Variants in B4GALT5 observed in about 807,000 individuals in gnomAD.
B4GALT5 encodes the protein beta-1,4-galactosyltransferase 5.
Under a neutral mutation model 45.0 loss-of-function variants are expected in B4GALT5, and 11 were observed. The observed-to-expected ratio is 0.24, with a 90% CI of 0.15 to 0.40. The LOEUF is 0.40. B4GALT5 is among the 10% of genes least tolerant of loss of function. The pLI is 1.00. For missense variants in B4GALT5, 337 were observed against 500.2 expected (o/e 0.67, Z 3.11); for synonymous variants, 185 against 182.9 (o/e 1.01, Z -0.09).
chr20:49,679,688 A>C (rs977912112), intron 1 of B4GALT5, among the ~76,000 whole-genome samples: 1 of 152,040 alleles, frequency 6.6e-6, no homozygotes, highest in African/African-American at 2.4e-5. Context: ...AAAAAAACAA[A>C]AACAAAAAAC....
Position 49,695,066 on chromosome 20 carries a change from A to G in B4GALT5, c.115+18510T>C, listed in dbSNP as rs569144127. On this transcript the variant is annotated intron_variant, in intron 1 of 8. Transcript: ENST00000371711. ...TTACAGTATTCCTTAACTGCTTAAC[A>G]TGTGAACACCTGCACTGTTTTCATT... is the stretch of plus-strand genomic sequence containing the variant. Among the ~76,000 whole-genome samples, 10 of 151,256 alleles carry G rather than the reference A, an allele frequency of 6.6e-5. No individual in the cohort carries two copies. The East Asian group carries it at 1.9e-3, about 29-fold the overall frequency.
At chr20:49,673,707 T>C (rs1268396858) in intron 1 of B4GALT5, among the ~76,000 whole-genome samples, 1 of 152,152 alleles carries the variant, frequency 6.6e-6, no homozygotes, top group Non-Finnish European at 1.5e-5. Flanking sequence ...TTAGATGCAA[T>C]AATAGTACTT....
At chr20:49,644,698 C>A (rs1161722237) in intron 3 of B4GALT5, among the ~76,000 whole-genome samples, 1 of 152,126 alleles carries the variant, frequency 6.6e-6, no homozygotes, top group Non-Finnish European at 1.5e-5. Flanking sequence ...CAGACAAATG[C>A]AGGTTTTAAA....
At position 49,677,086 on chromosome 20, in the gene B4GALT5, C is replaced by G. The variant is rs139704254; in HGVS notation, c.116-20384G>C. 4.6e-5 allele frequency among the ~76,000 whole-genome samples: 7 copies of G among 152,132 alleles called. No individual in the cohort carries two copies. In the East Asian group the frequency reaches 1.2e-3, roughly 25 times the overall value. On this transcript the variant is annotated intron_variant, in intron 1 of 8. Coordinates refer to ENST00000371711, the MANE Select transcript of B4GALT5 (RefSeq NM_004776.4). ...TTTGTTCTAGGGGGTATTTCTGCAG[C>G]CTTCTCAGAAAAACCTCAGGGTATT...
At chr20:49,692,621 G>C (rs761798123) in intron 1 of B4GALT5, among the ~76,000 whole-genome samples, 1 of 152,218 alleles carries the variant, frequency 6.6e-6, no homozygotes. Context: ...CATTGCCTAG[G>C]AGGCTGAGTA....
chr20:49,701,327 TTCA>T (rs1317891211), intron 1 of B4GALT5, among the ~76,000 whole-genome samples: 2 of 152,186 alleles, frequency 1.3e-5, no homozygotes, highest in African/African-American at 4.8e-5. Context: ...ACATTTGCAG[TTCA>T]GCTGATATCA....
In B4GALT5 at chr20:49,693,229, C is replaced by T. The variant is rs566037440; in HGVS notation, c.115+20347G>A. On this transcript the variant is annotated intron_variant, in intron 1 of 8. Transcript: ENST00000371711. ...TGTTTGTGAATTCATCCTGAAAACA[C>T]ATCTGAGATTATAATCTCCCAATAG... Among the ~76,000 whole-genome samples, 4 of 152,318 alleles carry T rather than the reference C, an allele frequency of 2.6e-5. No homozygotes were observed. In the South Asian group the frequency reaches 8.3e-4, roughly 32 times the overall value.
chr20:49,637,937 AAG>A (rs2085560922), intron 7 of B4GALT5, among the ~76,000 whole-genome samples: 1 of 152,182 alleles, frequency 6.6e-6, no homozygotes, highest in Non-Finnish European at 1.5e-5. Flanking sequence ...CAAAAAAGAA[AAG>A]AAAAGTACGG....
intron 1 of B4GALT5, among the ~76,000 whole-genome samples, chr20:49,688,937 C>CA (rs780888236): frequency 0.064 from 4,729 of 73,920 alleles, 274 homozygotes; most frequent in African/African-American, 0.18. Flanking sequence ...AACTCCATCT[C>CA]AAAAAAAAAA....
At chr20:49,686,010 A>C (rs555550782) in intron 1 of B4GALT5, among the ~76,000 whole-genome samples, 25 of 152,272 alleles carry the variant, frequency 1.6e-4, no homozygotes, top group Non-Finnish European at 3.4e-4. Context: ...CCTCTGACTC[A>C]GCACCTAAGA....
At chr20:49,690,185 T>C (rs147153280) in intron 1 of B4GALT5, among the ~76,000 whole-genome samples, 2 of 152,214 alleles carry the variant, frequency 1.3e-5, no homozygotes, top group South Asian at 2.1e-4. Flanking sequence ...TTTGTATTTT[T>C]AGTAGAGACA....
intron 1 of B4GALT5, among the ~76,000 whole-genome samples, chr20:49,667,863 A>C (rs2085698591): frequency 6.6e-6 from 1 of 152,174 alleles, no homozygotes; most frequent in Admixed American, 6.5e-5. Context: ...TTCCATTTTA[A>C]ATCTGCTTAA....
intron 1 of B4GALT5, among the ~76,000 whole-genome samples, chr20:49,697,101 T>C (rs1169041348): frequency 6.6e-6 from 1 of 152,268 alleles, no homozygotes; most frequent in Non-Finnish European, 1.5e-5. Context: ...AAAGGGATAT[T>C]GTTGCCTCCT....
chr20:49,713,468 C>A, intron 1 of B4GALT5, 108 bp downstream of exon 1: 5 of 1,143,890 alleles, frequency 4.4e-6, no homozygotes, highest in African/African-American at 1.6e-5. Context: ...TTCGGAGGAC[C>A]AGGCTCAGGG....
At chr20:49,671,200 G>A (rs1022674721) in intron 1 of B4GALT5, among the ~76,000 whole-genome samples, 1 of 152,072 alleles carries the variant, frequency 6.6e-6, no homozygotes, top group Admixed American at 6.5e-5. Flanking sequence ...TCAACATGGC[G>A]AAACCCCATC....
chr20:49,687,289 T>A (rs2085790222), intron 1 of B4GALT5, among the ~76,000 whole-genome samples: 1 of 152,202 alleles, frequency 6.6e-6, no homozygotes, highest in Non-Finnish European at 1.5e-5. Context: ...CCACTGACAC[T>A]GTTAGAAAGT....
intron 6 of B4GALT5, 60 bp downstream of exon 6, chr20:49,640,418 T>C (rs1423616825): frequency 6.9e-7 from 1 of 1,442,452 alleles, no homozygotes; most frequent in Non-Finnish European, 9.2e-7. Context: ...GATTTCCTTT[T>C]CACATCGCTC....
chr20:49,655,745 A>T (rs2085639945), intron 2 of B4GALT5, among the ~76,000 whole-genome samples: 1 of 151,824 alleles, frequency 6.6e-6, no homozygotes, highest in Non-Finnish European at 1.5e-5. Flanking sequence ...CATGGCCAAC[A>T]TGGTGAAACC....
intron 6 of B4GALT5, 29 bp from the exon 7 acceptor site, chr20:49,639,829 C>CTG (rs779071674): frequency 6.2e-7 from 1 of 1,609,734 alleles, no homozygotes; most frequent in Middle Eastern, 1.7e-4. Flanking sequence ...CATCAATCAT[C>CTG]TGTGTGTTAC....
Sources: allele counts gnomAD v4.1 joint callset (sites outside exome capture counted in the v4.1 genomes callset), GRCh38; gene constraint gnomAD v4.1.1; transcripts MANE v1.5; gene names NCBI Gene and HGNC (gene_info 2026-07-23, HGNC 2026-07-21).